ST8SIA5: variants seen among roughly 807,000 people sequenced by gnomAD.
ST8SIA5 encodes ST8 alpha-N-acetyl-neuraminide alpha-2,8-sialyltransferase 5.
ST8SIA5 carries 24 observed loss-of-function variants against 40.2 expected under a neutral mutation model. The ratio of observed to expected loss-of-function variants is 0.60; its 90% CI spans 0.43 to 0.84. ST8SIA5 has a LOEUF of 0.84. Ranked by LOEUF, ST8SIA5 falls within the 40% of genes least tolerant of loss-of-function variation. The pLI is 0.00. For synonymous variants in ST8SIA5, 198 were observed against 201.8 expected (o/e 0.98, Z 0.16); for missense variants, 465 against 498.5 (o/e 0.93, Z 0.64).
chr18:46,724,510 C>A (rs1250464321), intron 1 of ST8SIA5, among the ~76,000 whole-genome samples: 1 of 152,188 alleles, frequency 6.6e-6, no homozygotes, highest in Non-Finnish European at 1.5e-5. Flanking sequence ...ATTCATTTAT[C>A]CATTTATTTA....
chr18:46,687,471 T>G (rs1351162797), intron 4 of ST8SIA5, among the ~76,000 whole-genome samples: 1 of 152,196 alleles, frequency 6.6e-6, no homozygotes, highest in Admixed American at 6.5e-5. Flanking sequence ...TGGATCTGTA[T>G]GTCATACTAA....
At chr18:46,688,982 C>T in intron 3 of ST8SIA5, 63 bp from the exon 4 acceptor site, 2 of 1,556,606 alleles carry the variant, frequency 1.3e-6, no homozygotes, top group Non-Finnish European at 1.7e-6. Flanking sequence ...GAGGGCAGAG[C>T]ACAACCTCAC....
chr18:46,744,727 T>C (rs1035866451), intron 1 of ST8SIA5, among the ~76,000 whole-genome samples: 2 of 152,216 alleles, frequency 1.3e-5, no homozygotes, highest in Admixed American at 1.3e-4. Flanking sequence ...AACAGACATC[T>C]ACAGAACTCT....
At chr18:46,752,001 C>T (rs2040200039) in intron 1 of ST8SIA5, among the ~76,000 whole-genome samples, 1 of 152,162 alleles carries the variant, frequency 6.6e-6, no homozygotes, top group African/African-American at 2.4e-5. Flanking sequence ...ACACGCCATC[C>T]TCACAGGGTC....
intron 2 of ST8SIA5, 122 bp from the exon 3 acceptor site, chr18:46,692,377 C>T (rs1343466295): frequency 2.3e-5 from 18 of 773,594 alleles, no homozygotes; most frequent in African/African-American, 3.5e-5. Flanking sequence ...TGGCCCTTGG[C>T]ATTGACCATG....
At chr18:46,708,480 CA>C (rs1279223121) in intron 1 of ST8SIA5, among the ~76,000 whole-genome samples, 2 of 152,148 alleles carry the variant, frequency 1.3e-5, no homozygotes, top group Non-Finnish European at 2.9e-5. Context: ...TAGGGCTAGC[CA>C]ATTCCTGGAG....
intron 1 of ST8SIA5, among the ~76,000 whole-genome samples, chr18:46,738,371 G>A (rs2040055636): frequency 6.6e-6 from 1 of 152,114 alleles, no homozygotes. Context: ...TCCAACACCT[G>A]GTGCAGGGCT....
At chr18:46,726,586 T>C (rs1445562370) in intron 1 of ST8SIA5, among the ~76,000 whole-genome samples, 1 of 140,688 alleles carries the variant, frequency 7.1e-6, no homozygotes, top group African/African-American at 2.6e-5. Context: ...CTCCATATTC[T>C]TTTGTAGTCT....
At chr18:46,729,017 C>G (rs1280390990) in intron 1 of ST8SIA5, among the ~76,000 whole-genome samples, 3 of 152,168 alleles carry the variant, frequency 2.0e-5, no homozygotes, top group Non-Finnish European at 4.4e-5. Flanking sequence ...CCTCTGCAAA[C>G]CTCAGCTTTT....
intron 1 of ST8SIA5, among the ~76,000 whole-genome samples, chr18:46,746,026 C>T (rs924925446): frequency 6.6e-6 from 1 of 152,124 alleles, no homozygotes; most frequent in Non-Finnish European, 1.5e-5. Flanking sequence ...GCTCTTCATG[C>T]TAAAAACTCT....
chr18:46,720,990 G>A (rs960861926), intron 1 of ST8SIA5, among the ~76,000 whole-genome samples: 12 of 151,926 alleles, frequency 7.9e-5, no homozygotes, highest in African/African-American at 4.8e-5. Context: ...CCTGACACCC[G>A]CTTCTTGATG....
chr18:46,747,454 A>G (rs966360650), intron 1 of ST8SIA5, among the ~76,000 whole-genome samples: 6 of 152,264 alleles, frequency 3.9e-5, no homozygotes, highest in Non-Finnish European at 7.3e-5. Flanking sequence ...TATGCAGCCA[A>G]CAGAAACATG....
chr18:46,711,652 G>T (rs1360977811), intron 1 of ST8SIA5, among the ~76,000 whole-genome samples: 1 of 152,210 alleles, frequency 6.6e-6, no homozygotes, highest in Non-Finnish European at 1.5e-5. Flanking sequence ...CAAACGCACA[G>T]AAATCAGTCT....
chr18:46,744,093 C>T (rs887252504), intron 1 of ST8SIA5, among the ~76,000 whole-genome samples: 5 of 152,138 alleles, frequency 3.3e-5, no homozygotes, highest in Non-Finnish European at 5.9e-5. Flanking sequence ...ACAACCGGTA[C>T]CAGCCACTGC....
chr18:46,682,762 C>T (rs115419054), intron 5 of ST8SIA5, among the ~76,000 whole-genome samples: 14 of 152,120 alleles, frequency 9.2e-5, no homozygotes, highest in Admixed American at 2.6e-4. Flanking sequence ...TTATAAGAGA[C>T]GATGTGACAA....
At chr18:46,721,483 G>C (rs767027144) in intron 1 of ST8SIA5, 1 of 1,533,950 alleles carries the variant, frequency 6.5e-7, no homozygotes, top group Non-Finnish European at 8.7e-7. Context: ...GCAAGAAAAC[G>C]AGGCAGTCGG....
At chr18:46,739,148 G>A (rs572048172) in intron 1 of ST8SIA5, among the ~76,000 whole-genome samples, 1 of 152,322 alleles carries the variant, frequency 6.6e-6, no homozygotes, top group East Asian at 1.9e-4. Context: ...AGACCAGAAA[G>A]AGAAGCAGGA....
chr18:46,694,627 T>C (rs895523288), intron 2 of ST8SIA5, among the ~76,000 whole-genome samples: 6 of 152,134 alleles, frequency 3.9e-5, no homozygotes, highest in Admixed American at 3.9e-4. Context: ...TGTTTGATCA[T>C]AAATGGGAAA....
intron 2 of ST8SIA5, among the ~76,000 whole-genome samples, chr18:46,697,730 C>G (rs2039570642): frequency 6.6e-6 from 1 of 151,684 alleles, no homozygotes; most frequent in Non-Finnish European, 1.5e-5. Context: ...GATATGAGTA[C>G]TAGAGGTACA....
Sources: allele counts gnomAD v4.1 joint callset (sites outside exome capture counted in the v4.1 genomes callset), GRCh38; gene constraint gnomAD v4.1.1; transcripts MANE v1.5; gene names NCBI Gene and HGNC (gene_info 2026-07-23, HGNC 2026-07-21).